Variants in CREB5 observed in about 807,000 individuals in gnomAD.
CREB5 encodes the protein cyclic AMP-responsive element-binding protein 5.
In CREB5, 19 loss-of-function variants were observed where a neutral mutation model predicts 57.1. The ratio of observed to expected loss-of-function variants is 0.33; its 90% CI spans 0.23 to 0.49. The LOEUF (loss-of-function observed/expected upper bound fraction) is 0.49. Among genes scored for constraint, CREB5 ranks in the 20% least tolerant of loss-of-function variants. The pLI, the probability that CREB5 is intolerant of heterozygous loss-of-function variation, is 0.99. For missense variants in CREB5, 579 were observed against 671.6 expected (o/e 0.86, Z 1.52); for synonymous variants, 238 against 238.3 (o/e 1.00, Z 0.01).
At chr7:28,499,093 GT>G (rs1320218544) in intron 3 of CREB5, among the ~76,000 whole-genome samples, 1 of 149,908 alleles carries the variant, frequency 6.7e-6, no homozygotes, top group Non-Finnish European at 1.5e-5. Flanking sequence ...GGTAGTACGG[GT>G]AGGAACCTAG....
At chr7:28,353,727 C>T (rs1305706686) in intron 1 of CREB5, among the ~76,000 whole-genome samples, 3 of 151,738 alleles carry the variant, frequency 2.0e-5, no homozygotes, top group Non-Finnish European at 2.9e-5. Context: ...CCTGTAGTCC[C>T]AGCTACTCGG....
chr7:28,814,348 C>T (rs1809297186), intron 9 of CREB5, among the ~76,000 whole-genome samples: 1 of 152,136 alleles, frequency 6.6e-6, no homozygotes, highest in Non-Finnish European at 1.5e-5. Flanking sequence ...TTTCTTAAGC[C>T]AAAGGCCCCT....
chr7:28,484,711 C>T (rs187469546), intron 1 of CREB5, among the ~76,000 whole-genome samples: 7 of 152,254 alleles, frequency 4.6e-5, no homozygotes, highest in African/African-American at 1.7e-4. Context: ...AGTAACATAA[C>T]AATTGTAACC....
chr7:28,386,266 T>A (rs113269409), intron 1 of CREB5, among the ~76,000 whole-genome samples: 2,377 of 152,310 alleles, frequency 0.016, 28 homozygotes, highest in South Asian at 0.047. Flanking sequence ...TCAGTTTTAG[T>A]TTGTGTAAAA....
intron 5 of CREB5, among the ~76,000 whole-genome samples, chr7:28,691,289 G>A (rs762328389): frequency 3.3e-4 from 50 of 151,708 alleles, no homozygotes; most frequent in African/African-American, 9.9e-4. Flanking sequence ...GTGTGGTGGC[G>A]GGTGCCTGTA....
At chr7:28,786,371 C>G (rs568477423) in intron 7 of CREB5, among the ~76,000 whole-genome samples, 1 of 152,246 alleles carries the variant, frequency 6.6e-6, no homozygotes, top group African/African-American at 2.4e-5. Flanking sequence ...CTCAGCCTCC[C>G]AAGTAGCTCA....
Position 28,825,455 on chromosome 7 carries a change from G to T in CREB5, c.*6176G>T, listed in dbSNP as rs919898839. 2 of 152,502 alleles carry T rather than the reference G, an allele frequency of 1.3e-5. No homozygotes were observed. The highest frequency in any genetic ancestry group is 4.8e-5 in the African/African-American group (2 of 41,408). The allele number at this position is 152,502 out of a possible 1,614,324, so 9.4% of individuals were successfully genotyped here. A position where few individuals can be genotyped will look rare whatever the true frequency, so the allele number is the denominator to read the frequency against. On this transcript the variant is annotated 3_prime_UTR_variant, in exon 11 of 11. Coordinates refer to ENST00000357727, the MANE Select transcript of CREB5 (RefSeq NM_182898.4). ...CAAATACAATGTTCTAGGACAATTGGAATATAAATATTGTCCAAAAATATA... is the reference window on the plus strand; with the variant it reads ...CAAATACAATGTTCTAGGACAATTGTAATATAAATATTGTCCAAAAATATA...
chr7:28,420,372 T>C (rs1788192589), intron 1 of CREB5, among the ~76,000 whole-genome samples: 1 of 152,232 alleles, frequency 6.6e-6, no homozygotes, highest in African/African-American at 2.4e-5. Context: ...GAAGATATTT[T>C]AGGAGATCTA....
intron 5 of CREB5, among the ~76,000 whole-genome samples, chr7:28,624,686 A>AAC (rs1484651799): frequency 6.7e-6 from 1 of 149,518 alleles, no homozygotes; most frequent in Admixed American, 6.7e-5. Flanking sequence ...GAAAAAAAAA[A>AAC]AAAAAAACAA....
At chr7:28,361,123 A>C (rs1786468913) in intron 1 of CREB5, among the ~76,000 whole-genome samples, 1 of 152,198 alleles carries the variant, frequency 6.6e-6, no homozygotes, top group Admixed American at 6.5e-5. Context: ...AGCTAAAAAA[A>C]AACTTACTGT....
upstream of CREB5, among the ~76,000 whole-genome samples, chr7:28,408,924 T>C (rs2128001139): frequency 6.6e-6 from 1 of 152,132 alleles, no homozygotes; most frequent in East Asian, 1.9e-4. Context: ...CAAAGTCTTT[T>C]CCCACATCCT....
intron 5 of CREB5, among the ~76,000 whole-genome samples, chr7:28,655,861 G>C (rs1479762818): frequency 6.6e-6 from 1 of 152,028 alleles, no homozygotes; most frequent in East Asian, 1.9e-4. Flanking sequence ...ATGCAGATTG[G>C]GGAAACTCTA....
intron 7 of CREB5, among the ~76,000 whole-genome samples, chr7:28,750,847 A>C (rs899461584): frequency 7.2e-5 from 11 of 152,138 alleles, no homozygotes; most frequent in Non-Finnish European, 2.9e-5. Flanking sequence ...CATGAAATCT[A>C]ATATTTTTGG....
At chr7:28,463,113 T>C (rs992274063) in intron 1 of CREB5, among the ~76,000 whole-genome samples, 1 of 152,224 alleles carries the variant, frequency 6.6e-6, no homozygotes, top group African/African-American at 2.4e-5. Context: ...GTATATATTT[T>C]GAATTAGGGA....
At chr7:28,749,331 T>G (rs867550508) in intron 7 of CREB5, 6 of 152,226 alleles carry the variant, frequency 3.9e-5, no homozygotes, top group Middle Eastern at 3.4e-3. Flanking sequence ...ACTGCAGCAG[T>G]GGGGAAAGGG....
chr7:28,376,929 T>C (rs919988291), intron 1 of CREB5, among the ~76,000 whole-genome samples: 1 of 152,184 alleles, frequency 6.6e-6, no homozygotes, highest in South Asian at 2.1e-4. Context: ...GTTATGAAGT[T>C]GATGATTCAA....
intron 7 of CREB5, among the ~76,000 whole-genome samples, chr7:28,761,088 G>A (rs571755529): frequency 6.6e-6 from 1 of 152,248 alleles, no homozygotes; most frequent in Non-Finnish European, 1.5e-5. Context: ...ATATCGTCAG[G>A]TAGAGAACTG....
At chr7:28,560,920 G>A (rs1194287009) in intron 4 of CREB5, among the ~76,000 whole-genome samples, 12 of 85,774 alleles carry the variant, frequency 1.4e-4, no homozygotes, top group Admixed American at 2.3e-4. Context: ...GTGTGCGTGT[G>A]TGCGCGTGCG....
At chr7:28,645,208 T>C (rs1002945476) in intron 5 of CREB5, among the ~76,000 whole-genome samples, 3 of 152,216 alleles carry the variant, frequency 2.0e-5, no homozygotes, top group African/African-American at 7.2e-5. Context: ...TTTCTTTTCT[T>C]ACCCTGCAAT....
Sources: gnomAD v4.1 joint callset for allele counts (sites outside exome capture counted in the v4.1 genomes callset) on GRCh38, gnomAD v4.1.1 for gene constraint, MANE v1.5 for transcripts, NCBI Gene and HGNC (gene_info 2026-07-23, HGNC 2026-07-21) for gene names.